The following IFITM10 variants were observed in gnomAD, a reference collection of about 807,000 sequenced individuals.
IFITM10 encodes the protein interferon-induced transmembrane protein 10.
IFITM10 carries 17 observed loss-of-function variants against 19.0 expected under a neutral mutation model. The ratio of observed to expected loss-of-function variants is 0.90; its 90% CI spans 0.61 to 1.34. The LOEUF is 1.34. IFITM10 is among the 40% of genes most tolerant of loss of function. The probability of loss-of-function intolerance (pLI) is 0.00; values close to 1 mark genes in which losing one functional copy is unlikely to be tolerated. For synonymous variants in IFITM10, 148 were observed against 147.2 expected (o/e 1.01, Z -0.04); for missense variants, 306 against 319.8 (o/e 0.96, Z 0.33).
chr11:1,749,033 CGCGCGGCCGGACCCCCTGAGCCTCGGT>C, intron 1 of IFITM10: 1 of 1,091,682 alleles, frequency 9.2e-7, no homozygotes, highest in Non-Finnish European at 1.1e-6. Context: ...GACTCCTCGG[CGCGCGGCCGGACCCCCTGAGCCTCGGT>C]GCGCGCGTCC....
intron 2 of IFITM10, among the ~76,000 whole-genome samples, chr11:1,736,516 C>T (rs925803696): frequency 6.6e-6 from 1 of 151,778 alleles, no homozygotes; most frequent in East Asian, 1.9e-4. Flanking sequence ...AGCTAGAACG[C>T]AATTCAGTGG....
chr11:1,747,784 G>A lies in IFITM10; in HGVS notation c.420C>T (p.Val140=), dbSNP rs377505264. 9 of 1,551,546 alleles carry A rather than the reference G, an allele frequency of 5.8e-6. No individual in the cohort carries two copies. The East Asian group carries it at 1.5e-4, about 25-fold the overall frequency. ...CGGTGGTGTCCGGGTAGACCTCGAT[G>A]ACGGTCGTGGGGTTGGTCATCGTCT... ...EKKTMTNPTT[V]IEVYPDTTEV... Residue 140 remains valine (V), a synonymous_variant, in exon 2 of 3, where the codon GTC becomes GTT. Transcript: ENST00000340134.
rs1408326992 is a variant in IFITM10 at position 1,748,090 on chromosome 11, C to T, written c.114G>A (p.Pro38=). The change falls in exon 2 of 3, where the codon CCG becomes CCA. Residue 38 remains proline, a synonymous_variant. Coordinates refer to ENST00000340134, the MANE Select transcript of IFITM10 (RefSeq NM_001170820.4). ...EAQGPGQCPA[P]LGDPASTTDG... is the part of the protein sequence containing the mutation. ...CCGTGGTGCTGGCCGGGTCTCCCAG[C>T]GGGGCTGGGCACTGGCCGGGGCCCT... The T allele has an allele frequency of 2.1e-6, 3 of 1,405,306 alleles. No homozygotes were observed. The East Asian group carries it at 8.3e-5, about 39-fold the overall frequency. The allele number at this position is 1,405,306 out of a possible 1,614,324, so 87.1% of individuals were successfully genotyped here. A position where few individuals can be genotyped will look rare whatever the true frequency, so the allele number is the denominator to read the frequency against.
In IFITM10 at chr11:1,732,641, C is replaced by T. The variant is rs527406379; in HGVS notation, c.*2639G>A. On this transcript the variant is annotated 3_prime_UTR_variant, in exon 3 of 3. Coordinates refer to ENST00000340134, the MANE Select transcript of IFITM10 (RefSeq NM_001170820.4). ...CACCTGCTGTGGGGGCCTGACCTCA[C>T]CGTGGACACCCACCGCGGGAGCACC... 41 of 152,332 alleles carry T rather than the reference C, an allele frequency of 2.7e-4. No individual in the cohort carries two copies. Among genetic ancestry groups the T allele is most frequent in the Admixed American group, 1.7e-3 (26 of 15,302 alleles). The allele number at this position is 152,332 out of a possible 1,614,324, so 9.4% of individuals were successfully genotyped here.
rs553723682 is a variant in IFITM10, at chr11:1,736,528, GTGGAA to G, written c.538-1104_538-1100del. Among the ~76,000 whole-genome samples, 10 of 152,306 alleles carry G rather than the reference GTGGAA, an allele frequency of 6.6e-5. No individual in the cohort carries two copies. The South Asian group carries it at 2.1e-3, about 32-fold the overall frequency. ...GAAAGCTAGAACGCAATTCAGTGGAGTGGAATGGAATGGAATGAAGTGGAGCAAAT... is the reference window on the plus strand; with the variant it reads ...GAAAGCTAGAACGCAATTCAGTGGAGTGGAATGGAATGAAGTGGAGCAAAT... On this transcript the variant is annotated intron_variant, in intron 2 of 2. Coordinates refer to ENST00000340134, the MANE Select transcript of IFITM10 (RefSeq NM_001170820.4).
intron 2 of IFITM10, among the ~76,000 whole-genome samples, chr11:1,741,542 G>C (rs1845570568): frequency 6.6e-6 from 1 of 152,110 alleles, no homozygotes; most frequent in South Asian, 2.1e-4. Flanking sequence ...TTCTGATGAT[G>C]AATTGAGGGC....
rs1845650454 is a variant in IFITM10 at position 1,746,399 on chromosome 11, A to G, written c.537+1268T>C. On this transcript the variant is annotated intron_variant, in intron 2 of 2. Transcript: ENST00000340134. Reference sequence around the variant, plus strand: ...ACACACTCATGCACACAATGCATTCACATGCACACATAGTTACACTCACAG... The same window carrying G: ...ACACACTCATGCACACAATGCATTCGCATGCACACATAGTTACACTCACAG... 8.0e-6 allele frequency: 3 copies of G among 375,004 alleles called. No homozygotes were observed. The East Asian group carries it at 1.1e-4, about 13-fold the overall frequency. 23.2% of individuals were successfully genotyped at this position (375,004 alleles called of 1,614,324 possible).
chr11:1,743,214 G>A (rs919032856), intron 2 of IFITM10, among the ~76,000 whole-genome samples: 1 of 150,726 alleles, frequency 6.6e-6, no homozygotes, highest in African/African-American at 2.4e-5. Context: ...TGGATGGACA[G>A]ATGAAGAATG....
At chr11:1,748,428 A>G in intron 1 of IFITM10, 2 of 350,162 alleles carry the variant, frequency 5.7e-6, no homozygotes, top group Non-Finnish European at 1.0e-5. Context: ...TGAGACTGAC[A>G]CTGTTGCAAA....
intron 1 of IFITM10, 152 bp from the exon 2 acceptor site, chr11:1,748,271 C>T: frequency 1.8e-6 from 1 of 566,562 alleles, no homozygotes; most frequent in Non-Finnish European, 2.7e-6. Context: ...CCCACCCGCC[C>T]CGGGCCTCGG....
At position 1,750,520 on chromosome 11, in the gene IFITM10, C is replaced by T. The variant is rs1236839490; in HGVS notation, c.-78G>A. ...AACTGGCCTCCTGTGTCTCCGCAACCCTCTTTCCTGTCTGGAAGGCCAGTC... is the reference window on the plus strand; with the variant it reads ...AACTGGCCTCCTGTGTCTCCGCAACTCTCTTTCCTGTCTGGAAGGCCAGTC... On this transcript the variant is annotated 5_prime_UTR_variant, in exon 1 of 3. Transcript: ENST00000340134. 6.5e-7 allele frequency: 1 copy of T among 1,532,886 alleles called. No individual in the cohort carries two copies. Among genetic ancestry groups the T allele is most frequent in the Non-Finnish European group, 8.8e-7 (1 of 1,135,280 alleles). 95.0% of individuals were successfully genotyped at this position (1,532,886 alleles called of 1,614,324 possible).
intron 2 of IFITM10, among the ~76,000 whole-genome samples, chr11:1,747,324 G>T (rs925741301): frequency 3.9e-5 from 6 of 152,060 alleles, no homozygotes; most frequent in Non-Finnish European, 8.8e-5. Context: ...CCAGGTCTAC[G>T]TCCCATGTCC....
intron 1 of IFITM10, among the ~76,000 whole-genome samples, chr11:1,749,431 G>A (rs1360643970): frequency 8.2e-6 from 1 of 121,948 alleles, no homozygotes. Flanking sequence ...ACCCCACCCG[G>A]CCCCATCCCT....
intron 1 of IFITM10, chr11:1,748,929 C>T (rs891937656): frequency 3.7e-6 from 2 of 543,772 alleles, no homozygotes; most frequent in Admixed American, 6.4e-5. Context: ...TCCCGTGCGG[C>T]GCTCGCCGGG....
Position 1,735,181 on chromosome 11 carries a change from C to A in IFITM10, c.*99G>T. 7.3e-7 allele frequency: 1 copy of A among 1,366,088 alleles called. No individual in the cohort carries two copies. The highest frequency in any genetic ancestry group is 1.4e-5 in the South Asian group (1 of 71,172). 84.6% of individuals were successfully genotyped at this position (1,366,088 alleles called of 1,614,324 possible). ...TCAAGGGGGCCCCAGGACAAGAAGC[C>A]CTGCCCTGCCCCAACCTCATGGGAT... On this transcript the variant is annotated 3_prime_UTR_variant, in exon 3 of 3. Coordinates refer to ENST00000340134, the MANE Select transcript of IFITM10 (RefSeq NM_001170820.4).
chr11:1,749,037 C>T (rs1845687038), intron 1 of IFITM10: 1 of 1,098,288 alleles, frequency 9.1e-7, no homozygotes, highest in Non-Finnish European at 1.1e-6. Context: ...CCTCGGCGCG[C>T]GGCCGGACCC....
At chr11:1,738,824 G>A (rs1369509982) in intron 2 of IFITM10, among the ~76,000 whole-genome samples, 1 of 152,064 alleles carries the variant, frequency 6.6e-6, no homozygotes, top group East Asian at 1.9e-4. Flanking sequence ...ACTTTGGGAG[G>A]CCGAGGCGGG....
intron 2 of IFITM10, chr11:1,745,400 G>A (rs1323447908): frequency 3.3e-5 from 5 of 152,268 alleles, no homozygotes; most frequent in African/African-American, 1.2e-4. Context: ...TTCTGCTCAG[G>A]ATTGGTCTGG....
chr11:1,747,686 G>T lies in IFITM10; in HGVS notation c.518C>A (p.Ala173Asp), dbSNP rs1017327644. 5 of 1,551,660 alleles carry T rather than the reference G, an allele frequency of 3.2e-6. No homozygotes were observed. In the African/African-American group the frequency reaches 6.8e-5, roughly 21 times the overall value. The change falls in exon 2 of 3, where the codon GCC becomes GAC. Residue 173 changes from alanine (A) to aspartate (D), a missense_variant. Physicochemically the swap from Ala to Asp is moderately radical, Grantham distance 126 (BLOSUM62 -2). Coordinates refer to ENST00000340134, the MANE Select transcript of IFITM10 (RefSeq NM_001170820.4). ...YLNFCCLGFI[A>D]LAYSLKVRDK... is the part of the protein sequence containing the mutation. Reference sequence around the variant, plus strand: ...GCTCACTTTGAGGGAGTAGGCCAAGGCGATGAAGCCCAGGCAGCAGAAGTT... The same window carrying T: ...GCTCACTTTGAGGGAGTAGGCCAAGTCGATGAAGCCCAGGCAGCAGAAGTT...
Sources: gnomAD v4.1 joint callset for allele counts (sites outside exome capture counted in the v4.1 genomes callset) on GRCh38, gnomAD v4.1.1 for gene constraint, MANE v1.5 for transcripts, NCBI Gene and HGNC (gene_info 2026-07-23, HGNC 2026-07-21) for gene names.